Variants in ZNF366 observed in about 807,000 individuals in gnomAD.
ZNF366 encodes dendritic cell-specific transcript protein.
A neutral mutation model predicts 47.2 loss-of-function variants in ZNF366; 20 were observed. The observed-to-expected ratio is 0.42, with a 90% CI of 0.30 to 0.62. The LOEUF is 0.62. Ranked by LOEUF, ZNF366 falls within the 20% of genes least tolerant of loss-of-function variation. The pLI, the probability that ZNF366 is intolerant of heterozygous loss-of-function variation, is 0.16. For synonymous variants in ZNF366, 421 were observed against 395.1 expected, an observed-to-expected ratio of 1.07 and a Z score of -0.78; for missense variants, 987 against 976.3, an observed-to-expected ratio of 1.01 and a Z score of -0.15.
intron 1 of ZNF366, among the ~76,000 whole-genome samples, chr5:72,503,662 G>A (rs1469636541): frequency 6.6e-6 from 1 of 152,200 alleles, no homozygotes; most frequent in African/African-American, 2.4e-5. Flanking sequence ...TATAGGAAAT[G>A]CAGAGATTGG....
intron 1 of ZNF366, among the ~76,000 whole-genome samples, chr5:72,469,338 A>C (rs572002170): frequency 1.1e-4 from 17 of 152,372 alleles, no homozygotes; most frequent in Non-Finnish European, 2.1e-4. Flanking sequence ...AATTTTACTG[A>C]ATTTAAATTA....
intron 1 of ZNF366, among the ~76,000 whole-genome samples, chr5:72,468,433 AT>A (rs1743479096): frequency 6.6e-6 from 1 of 152,242 alleles, no homozygotes; most frequent in Non-Finnish European, 1.5e-5. Flanking sequence ...CGATTTGGTG[AT>A]GAGACTTGTT....
intron 1 of ZNF366, among the ~76,000 whole-genome samples, chr5:72,466,728 T>A (rs1045318385): frequency 1.3e-5 from 2 of 152,260 alleles, no homozygotes; most frequent in Non-Finnish European, 2.9e-5. Flanking sequence ...TTATTTAGAC[T>A]GTGGATGACT....
chr5:72,477,659 AT>A, intron 1 of ZNF366, among the ~76,000 whole-genome samples: 1 of 152,280 alleles, frequency 6.6e-6, no homozygotes, highest in Admixed American at 6.5e-5. Flanking sequence ...AATTATCCCT[AT>A]TTTATAGGTA....
intron 3 of ZNF366, among the ~76,000 whole-genome samples, chr5:72,450,680 G>A (rs978056878): frequency 6.6e-6 from 1 of 152,218 alleles, no homozygotes. Flanking sequence ...ATTCACACCT[G>A]GGCGGTAGGT....
At chr5:72,488,409 C>G (rs755393012) in intron 1 of ZNF366, among the ~76,000 whole-genome samples, 3 of 152,080 alleles carry the variant, frequency 2.0e-5, no homozygotes, top group Non-Finnish European at 2.9e-5. Context: ...ACATCCCTTT[C>G]CCTGGATTAT....
chr5:72,501,002 C>T (rs1744201437), intron 1 of ZNF366, among the ~76,000 whole-genome samples: 2 of 152,226 alleles, frequency 1.3e-5, no homozygotes, highest in Non-Finnish European at 2.9e-5. Flanking sequence ...CATTAATTTA[C>T]TGACCTTGAG....
At position 72,444,092 on chromosome 5, in the gene ZNF366, A is replaced by G. The variant is rs771632305; in HGVS notation, c.1899T>C (p.Pro633=). The change falls in exon 5 of 5, where the codon CCT becomes CCC. Residue 633 remains proline (P), a synonymous_variant. Transcript: ENST00000318442. ...GCTGCTGGCTCTGGGGGGCCAGGCC[A>G]GGGCTGTAGGGCTCCACCTCGTAGC... is the stretch of plus-strand genomic sequence containing the variant. ...DNCYEVEPYS[P]GLAPQSQQLC... is the part of the protein sequence containing the mutation. The G allele has an allele frequency of 6.2e-7, 1 of 1,614,096 alleles. No individual in the cohort carries two copies.
At chr5:72,492,943 GA>G (rs1275643242) in intron 1 of ZNF366, among the ~76,000 whole-genome samples, 3 of 152,176 alleles carry the variant, frequency 2.0e-5, no homozygotes, top group Non-Finnish European at 4.4e-5. Context: ...ACATCTAGCA[GA>G]TAAAGCTGAT....
chr5:72,444,162 C>T lies in ZNF366; in HGVS notation c.1829G>A (p.Ser610Asn). Residue 610 changes from serine (S) to asparagine (N), a missense_variant, in exon 5 of 5, where the codon AGT (serine) becomes AAT (asparagine). Ser to Asn is a conservative substitution (Grantham distance 46, BLOSUM62 1). Transcript: ENST00000318442. ...KVPVFQSDGE[S>N]AQGSHCHEEE... ...CTCGTGGCAGTGGCTGCCCTGGGCA[C>T]TCTCCCCGTCTGACTGGAACACCGG... The T allele has an allele frequency of 6.2e-7, 1 of 1,613,588 alleles. No homozygotes were observed. Among genetic ancestry groups the T allele is most frequent in the Non-Finnish European group, 8.5e-7 (1 of 1,180,042 alleles).
chr5:72,465,144 A>G (rs1743404172), intron 1 of ZNF366, among the ~76,000 whole-genome samples: 1 of 152,248 alleles, frequency 6.6e-6, no homozygotes, highest in Admixed American at 6.5e-5. Context: ...TTCTGAATAC[A>G]GATGTTTTTC....
intron 3 of ZNF366, among the ~76,000 whole-genome samples, chr5:72,452,753 G>T (rs552328643): frequency 6.6e-6 from 1 of 152,330 alleles, no homozygotes; most frequent in South Asian, 2.1e-4. Flanking sequence ...AAGAGAATTT[G>T]TCCCGGAAAT....
intron 1 of ZNF366, among the ~76,000 whole-genome samples, chr5:72,468,536 G>A (rs2112334802): frequency 6.6e-6 from 1 of 152,244 alleles, no homozygotes; most frequent in African/African-American, 2.4e-5. Context: ...GTTTAGTTGT[G>A]TATTGTTTAA....
chr5:72,458,088 C>T (rs542066129), intron 2 of ZNF366, among the ~76,000 whole-genome samples: 1 of 138,942 alleles, frequency 7.2e-6, no homozygotes, highest in African/African-American at 2.7e-5. Context: ...GTGGTCTCGG[C>T]TCACTGCAAG....
At chr5:72,504,677 T>A (rs1407503489) in intron 1 of ZNF366, among the ~76,000 whole-genome samples, 2 of 152,150 alleles carry the variant, frequency 1.3e-5, no homozygotes, top group Non-Finnish European at 1.5e-5. Context: ...TAAGCAAGAA[T>A]AATGACACAA....
intron 1 of ZNF366, among the ~76,000 whole-genome samples, chr5:72,476,019 G>A (rs1270795912): frequency 1.3e-5 from 2 of 152,102 alleles, no homozygotes; most frequent in African/African-American, 4.8e-5. Context: ...ACAAATCTCT[G>A]CATCCCTGGC....
intron 1 of ZNF366, among the ~76,000 whole-genome samples, chr5:72,487,219 T>C (rs879360647): frequency 1.3e-5 from 2 of 152,236 alleles, no homozygotes; most frequent in African/African-American, 2.4e-5. Flanking sequence ...TATTCAATAA[T>C]GCATAATACT....
chr5:72,447,556 A>T lies in ZNF366; in HGVS notation c.1525-139T>A, dbSNP rs1228472911. On this transcript the variant is annotated intron_variant, in intron 3 of 4. Coordinates refer to ENST00000318442, the MANE Select transcript of ZNF366 (RefSeq NM_152625.3). ...CTTGCAAGGAAAATGTCCATAAGGA[A>T]ATCAGGAAGGAGCCTCAGAGGTGGA... is the stretch of plus-strand genomic sequence containing the variant. The T allele has an allele frequency of 3.0e-6, 3 of 1,002,438 alleles. No individual in the cohort carries two copies. The Admixed American group carries it at 7.6e-5, about 26-fold the overall frequency. 62.1% of individuals were successfully genotyped at this position (1,002,438 alleles called of 1,614,324 possible).
rs1209149427 is a variant in ZNF366, at chr5:72,442,352, A to C, written c.*1404T>G. Reference sequence around the variant, plus strand: ...GCTGCACATAAGAATTGCCAGGAGCAATTTGGAAAATTTCAGTCCTAGGGC... The same window carrying C: ...GCTGCACATAAGAATTGCCAGGAGCCATTTGGAAAATTTCAGTCCTAGGGC... On this transcript the variant is annotated 3_prime_UTR_variant, in exon 5 of 5. Coordinates refer to ENST00000318442, the MANE Select transcript of ZNF366 (RefSeq NM_152625.3). 6.6e-6 allele frequency: 1 copy of C among 152,192 alleles called. No homozygotes were observed. Among genetic ancestry groups the C allele is most frequent in the African/African-American group, 2.4e-5 (1 of 41,446 alleles). The allele number at this position is 152,192 out of a possible 1,614,324, so 9.4% of individuals were successfully genotyped here.
Sources: allele counts gnomAD v4.1 joint callset (sites outside exome capture counted in the v4.1 genomes callset), GRCh38; gene constraint gnomAD v4.1.1; transcripts MANE v1.5; gene names NCBI Gene and HGNC (gene_info 2026-07-23, HGNC 2026-07-21).